The following METTL16 variants were observed in gnomAD, a reference collection of about 807,000 sequenced individuals.
METTL16 encodes the protein methyltransferase 16, RNA N6-adenosine.
In METTL16, 19 loss-of-function variants were observed where a neutral mutation model predicts 57.9. The ratio of observed to expected loss-of-function variants is 0.33; its 90% CI spans 0.23 to 0.48. The LOEUF (loss-of-function observed/expected upper bound fraction) is 0.48, where lower values mean the gene tolerates loss of function less well. METTL16 is among the 20% of genes least tolerant of loss of function. The pLI is 0.99. For synonymous variants in METTL16, 246 were observed against 255.6 expected (o/e 0.96, Z 0.36); for missense variants, 434 against 691.5 (o/e 0.63, Z 4.18).
chr17:2,476,287 G>A (rs966550426), intron 3 of METTL16, among the ~76,000 whole-genome samples: 2 of 152,236 alleles, frequency 1.3e-5, no homozygotes, highest in Non-Finnish European at 1.5e-5. Context: ...AGTAATCTGA[G>A]TTGGAGGAAC....
intron 2 of METTL16, among the ~76,000 whole-genome samples, chr17:2,493,431 A>G (rs1020325473): frequency 6.7e-6 from 1 of 149,336 alleles, no homozygotes; most frequent in African/African-American, 2.4e-5. Context: ...ATACAAAGCC[A>G]TTGTAGGCTG....
rs1422125751 is a variant in METTL16, at chr17:2,420,770, A to G, written c.1023T>C (p.Val341=). Residue 341 remains valine, a synonymous_variant, in exon 9 of 10, where the codon GTT becomes GTC. Coordinates refer to ENST00000263092, the MANE Select transcript of METTL16 (RefSeq NM_024086.4). The surrounding 1 kb of genome is among the most constrained non-coding windows in gnomAD (Gnocchi z 5.4). ...LRSETAEGIV[V]VTTWIEKILT... is the part of the protein sequence containing the mutation. The stretch of plus-strand genomic sequence containing the variant: ...GAATTTTTTCAATCCATGTCGTGAC[A>G]ACGACTATGCCTTCCGCCGTCTCCG... The G allele has an allele frequency of 4.3e-6, 7 of 1,614,068 alleles. No homozygotes were observed. The highest frequency in any genetic ancestry group is 5.1e-6 in the Non-Finnish European group (6 of 1,179,992).
intron 6 of METTL16, among the ~76,000 whole-genome samples, chr17:2,442,959 C>T (rs930012576): frequency 4.8e-4 from 72 of 151,570 alleles, no homozygotes; most frequent in African/African-American, 1.5e-3. Context: ...TCGCAAGTAG[C>T]TGGGATTATA....
chr17:2,456,137 C>G (rs1394175668), intron 6 of METTL16, among the ~76,000 whole-genome samples: 2 of 152,118 alleles, frequency 1.3e-5, no homozygotes, highest in East Asian at 3.8e-4. Flanking sequence ...AATGTTCCTT[C>G]ATGTTTTAAT....
At chr17:2,438,419 A>G (rs1233799139) in intron 7 of METTL16, among the ~76,000 whole-genome samples, 1 of 152,242 alleles carries the variant, frequency 6.6e-6, no homozygotes, top group Non-Finnish European at 1.5e-5. Flanking sequence ...GAATTTACAG[A>G]TATGACTTGA....
In METTL16 at chr17:2,497,305, CTTTTTT is replaced by C. The variant is rs781130501; in HGVS notation, c.128+4893_128+4898del. 1.6e-3 allele frequency among the ~76,000 whole-genome samples: 103 copies of C among 63,788 alleles called. No homozygotes were observed. The East Asian group carries it at 0.045, about 28-fold the overall frequency. The allele number at this position is 63,788 out of a possible 152,430, so 41.8% of individuals were successfully genotyped here. A position where few individuals can be genotyped will look rare whatever the true frequency, so the allele number is the denominator to read the frequency against. Reference sequence around the variant, plus strand: ...ACAGGCGTGCGCCACTGCACCCGGCCTTTTTTTTTTTTTTTTTTTTTTTTTGAGATA... The same window carrying C: ...ACAGGCGTGCGCCACTGCACCCGGCCTTTTTTTTTTTTTTTTTTTGAGATA... On this transcript the variant is annotated intron_variant, in intron 2 of 9. Coordinates refer to ENST00000263092, the MANE Select transcript of METTL16 (RefSeq NM_024086.4).
chr17:2,467,832 CTTT>C lies in METTL16; in HGVS notation c.511_513del (p.Lys171del). The C allele has an allele frequency of 1.2e-6, 2 of 1,614,202 alleles. No homozygotes were observed. Among genetic ancestry groups the C allele is most frequent in the Non-Finnish European group, 8.5e-7 (1 of 1,180,036 alleles). On this transcript the variant is annotated inframe_deletion, in exon 5 of 10. Coordinates refer to ENST00000263092, the MANE Select transcript of METTL16 (RefSeq NM_024086.4). ...AAGTCATAGATTATCTCAGATTCTT[CTTT>C]AAGAGCATCCATCAGGAGTGTCTTC...
rs1046314302 is a variant in METTL16, at chr17:2,496,999, T to C, written c.128+5205A>G. 2.0e-5 allele frequency among the ~76,000 whole-genome samples: 3 copies of C among 151,528 alleles called. No individual in the cohort carries two copies. In the South Asian group the frequency reaches 6.2e-4, roughly 31 times the overall value. On this transcript the variant is annotated intron_variant, in intron 2 of 9. Transcript: ENST00000263092. ...TATGTATGGCATATCGTTTTGTTGT[T>C]GTTGTTTTTCTTTTTTATTTTCTTG...
chr17:2,438,244 C>A (rs752898416), intron 7 of METTL16, 46 bp from the exon 8 acceptor site: 1 of 1,394,564 alleles, frequency 7.2e-7, no homozygotes, highest in Non-Finnish European at 1.0e-6. Context: ...AATCATTCTA[C>A]CAATATGTTT....
chr17:2,447,118 T>C, intron 6 of METTL16, among the ~76,000 whole-genome samples: 1 of 127,882 alleles, frequency 7.8e-6, no homozygotes, highest in African/African-American at 3.7e-5. Flanking sequence ...CCGGCCGCCG[T>C]CCCATCTAGG....
chr17:2,423,261 G>GGTGTGTGTGTGTGTGTGT (rs58486923), intron 8 of METTL16, among the ~76,000 whole-genome samples: 82 of 143,702 alleles, frequency 5.7e-4, no homozygotes, highest in Admixed American at 1.3e-3. Context: ...AAAAACAAAG[G>GGTGTGTGTGTGTGTGTGT]GTGTGTGTGT....
In METTL16 at chr17:2,481,228, CA is replaced by C. The variant is rs74363068; in HGVS notation, c.129-3344del. Among the ~76,000 whole-genome samples the C allele has an allele frequency of 2.8e-3, 313 of 113,784 alleles. 1 individual carries two copies. The highest frequency in any genetic ancestry group is 6.1e-3 in the South Asian group (21 of 3,436). The allele number at this position is 113,784 out of a possible 152,430, so 74.6% of individuals were successfully genotyped here. A position where few individuals can be genotyped will look rare whatever the true frequency, so the allele number is the denominator to read the frequency against. Reference sequence around the variant, plus strand: ...GTTTCAGAAAAAAAAGAAACAATGACAAAAAAAAAAAAAACCCAGGATATTT... The same window carrying C: ...GTTTCAGAAAAAAAAGAAACAATGACAAAAAAAAAAAAACCCAGGATATTT... On this transcript the variant is annotated intron_variant, in intron 2 of 9. Coordinates refer to ENST00000263092, the MANE Select transcript of METTL16 (RefSeq NM_024086.4).
chr17:2,436,250 C>CA (rs955249360), intron 8 of METTL16, among the ~76,000 whole-genome samples: 22 of 151,946 alleles, frequency 1.4e-4, no homozygotes, highest in Admixed American at 1.1e-3. Flanking sequence ...TGAGGGGTGT[C>CA]AAAAAAGGAG....
chr17:2,498,410 C>T (rs1031555708), intron 2 of METTL16, among the ~76,000 whole-genome samples: 3 of 151,008 alleles, frequency 2.0e-5, no homozygotes, highest in Non-Finnish European at 4.4e-5. Flanking sequence ...GACTCTGTCT[C>T]CAAACAATGC....
At chr17:2,460,611 C>T (rs569021046) in intron 6 of METTL16, among the ~76,000 whole-genome samples, 3 of 152,270 alleles carry the variant, frequency 2.0e-5, no homozygotes, top group East Asian at 3.9e-4. Flanking sequence ...GAGGGTTGGG[C>T]GCGGTGGCTC....
chr17:2,465,546 CAAAAAAAAAA>C (rs547864019), intron 5 of METTL16, among the ~76,000 whole-genome samples: 7 of 24,494 alleles, frequency 2.9e-4, no homozygotes, highest in Non-Finnish European at 4.8e-4. Flanking sequence ...GACTCCATCT[CAAAAAAAAAA>C]AAAAAAAAAA....
intron 8 of METTL16, among the ~76,000 whole-genome samples, chr17:2,430,161 G>A (rs1002402950): frequency 1.3e-5 from 2 of 151,852 alleles, no homozygotes; most frequent in Admixed American, 6.6e-5. Context: ...CACCCAGGCT[G>A]GAGTGCAGTG....
chr17:2,495,795 T>C (rs774174965), intron 2 of METTL16, among the ~76,000 whole-genome samples: 3 of 147,306 alleles, frequency 2.0e-5, no homozygotes, highest in Non-Finnish European at 3.0e-5. Context: ...GTGCTGAAAA[T>C]AGCAAGAGAA....
intron 6 of METTL16, among the ~76,000 whole-genome samples, chr17:2,458,430 G>A (rs1342227173): frequency 9.7e-6 from 1 of 102,918 alleles, no homozygotes; most frequent in Non-Finnish European, 1.7e-5. Flanking sequence ...AAAATTCAGG[G>A]CCAGGGTGTG....
Sources: allele counts gnomAD v4.1 joint callset (sites outside exome capture counted in the v4.1 genomes callset), GRCh38; gene constraint gnomAD v4.1.1; non-coding constraint Gnocchi (gnomAD v3.1); transcripts MANE v1.5; gene names NCBI Gene and HGNC (gene_info 2026-07-23, HGNC 2026-07-21).